CFAP43: variants seen among roughly 807,000 people sequenced by gnomAD.
The protein encoded by CFAP43 is cilia- and flagella-associated protein 43.
CFAP43 carries 155 observed loss-of-function variants against 218.9 expected under a neutral mutation model. The observed-to-expected ratio is 0.71, with a 90% CI of 0.62 to 0.81. The LOEUF (loss-of-function observed/expected upper bound fraction) is 0.81. Among genes scored for constraint, CFAP43 ranks in the 30% least tolerant of loss-of-function variants. The pLI, the probability that CFAP43 is intolerant of heterozygous loss-of-function variation, is 0.00. For synonymous variants in CFAP43, 645 were observed against 681.3 expected (o/e 0.95, Z 0.83); for missense variants, 1,778 against 1,954.3 (o/e 0.91, Z 1.70).
chr10:104,166,393 A>G (rs2089153830), intron 23 of CFAP43, 95 bp downstream of exon 23: 1 of 884,732 alleles, frequency 1.1e-6, no homozygotes, highest in Non-Finnish European at 1.7e-6. Flanking sequence ...TTTTTAAATC[A>G]TCATTTGATT....
In CFAP43 at chr10:104,182,303, G is replaced by C. The variant is rs937869212; in HGVS notation, c.2289+63C>G. 4 of 1,456,694 alleles carry C rather than the reference G, an allele frequency of 2.7e-6. No homozygotes were observed. The African/African-American group carries it at 4.4e-5, about 16-fold the overall frequency. The allele number at this position is 1,456,694 out of a possible 1,614,324, so 90.2% of individuals were successfully genotyped here. A position where few individuals can be genotyped will look rare whatever the true frequency, so the allele number is the denominator to read the frequency against. On this transcript the variant is annotated intron_variant, in intron 17 of 37. Transcript: ENST00000357060. ...ATCTGCTTAAAGAAAACCACAAACC[G>C]AAAACTTCTGATTTACAAAGAAAGA... is the stretch of plus-strand genomic sequence containing the variant.
intron 35 of CFAP43, among the ~76,000 whole-genome samples, chr10:104,132,406 G>A (rs1422987940): frequency 6.6e-6 from 1 of 152,102 alleles, no homozygotes; most frequent in African/African-American, 2.4e-5. Flanking sequence ...GAGGTCAGGA[G>A]TTCAAGACCA....
chr10:104,161,758 A>G (rs573666651), intron 26 of CFAP43, among the ~76,000 whole-genome samples: 1 of 152,158 alleles, frequency 6.6e-6, no homozygotes, highest in East Asian at 1.9e-4. Context: ...CTCCTCACTT[A>G]GCCTCCTCAA....
chr10:104,143,114 C>G (rs1250638422), intron 32 of CFAP43, among the ~76,000 whole-genome samples: 3 of 152,088 alleles, frequency 2.0e-5, no homozygotes, highest in African/African-American at 7.2e-5. Context: ...TCATACTAAG[C>G]CTTCTAATGT....
At chr10:104,204,899 C>T (rs2090634056) in intron 7 of CFAP43, among the ~76,000 whole-genome samples, 1 of 151,922 alleles carries the variant, frequency 6.6e-6, no homozygotes, top group Non-Finnish European at 1.5e-5. Context: ...GCATTGTTTA[C>T]ATTGATTACA....
chr10:104,228,714 AC>A (rs1265285018), intron 2 of CFAP43, among the ~76,000 whole-genome samples: 4 of 152,108 alleles, frequency 2.6e-5, no homozygotes, highest in Non-Finnish European at 5.9e-5. Flanking sequence ...GGTCACTCAC[AC>A]TTTTTTTTGA....
chr10:104,167,166 A>G (rs372777692), intron 22 of CFAP43, among the ~76,000 whole-genome samples: 22 of 152,326 alleles, frequency 1.4e-4, no homozygotes, highest in African/African-American at 4.8e-4. Flanking sequence ...ACAAAACTAC[A>G]CTGAAGGGCA....
intron 5 of CFAP43, among the ~76,000 whole-genome samples, chr10:104,208,897 A>G (rs567513637): frequency 1.3e-5 from 2 of 152,278 alleles, no homozygotes; most frequent in African/African-American, 4.8e-5. Context: ...GATTTCCCCC[A>G]TGCTACGACT....
chr10:104,218,744 T>A (rs1027878472), intron 3 of CFAP43: 8 of 532,372 alleles, frequency 1.5e-5, no homozygotes, highest in Non-Finnish European at 3.1e-5. Context: ...CTTCCCCTCA[T>A]CCTTTTCCCT....
At chr10:104,204,971 T>C (rs1347964586) in intron 7 of CFAP43, among the ~76,000 whole-genome samples, 1 of 152,004 alleles carries the variant, frequency 6.6e-6, no homozygotes, top group Admixed American at 6.6e-5. Flanking sequence ...TCCCAGCATT[T>C]TGGGAGGCCC....
intron 34 of CFAP43, 113 bp from the exon 35 acceptor site, chr10:104,133,897 T>A: frequency 9.7e-7 from 1 of 1,027,030 alleles, no homozygotes; most frequent in Non-Finnish European, 1.4e-6. Flanking sequence ...GATAATTCTG[T>A]CTTCTTTTTA....
intron 16 of CFAP43, 149 bp downstream of exon 16, chr10:104,184,867 G>A (rs1476954185): frequency 1.9e-5 from 24 of 1,280,102 alleles, no homozygotes; most frequent in Middle Eastern, 2.8e-4. Context: ...TGCAGTGTAC[G>A]CTTCTCTTGG....
rs1005644403 is a variant in CFAP43, at chr10:104,133,426, C to T, written c.4596+194G>A. 6 of 510,140 alleles carry T rather than the reference C, an allele frequency of 1.2e-5. No homozygotes were observed. In the African/African-American group the frequency reaches 1.2e-4, roughly 10 times the overall value. 31.6% of individuals were successfully genotyped at this position (510,140 alleles called of 1,614,324 possible). A position where few individuals can be genotyped will look rare whatever the true frequency, so the allele number is the denominator to read the frequency against. Reference sequence around the variant, plus strand: ...CTTAGCTCTGAGTAGAATGATTCTACTAAATGGGTCATGAAGAACTGGAGG... The same window carrying T: ...CTTAGCTCTGAGTAGAATGATTCTATTAAATGGGTCATGAAGAACTGGAGG... On this transcript the variant is annotated intron_variant, in intron 35 of 37. Coordinates refer to ENST00000357060, the MANE Select transcript of CFAP43 (RefSeq NM_025145.7).
chr10:104,172,322 C>T (rs1307148368), intron 20 of CFAP43, 88 bp downstream of exon 20: 7 of 1,495,990 alleles, frequency 4.7e-6, no homozygotes, highest in Non-Finnish European at 4.5e-6. Context: ...TTGTCATATT[C>T]ACATTATTAT....
Position 104,212,426 on chromosome 10 carries a change from T to C in CFAP43, c.585-269A>G, listed in dbSNP as rs964434335. On this transcript the variant is annotated intron_variant, in intron 4 of 37. Coordinates refer to ENST00000357060, the MANE Select transcript of CFAP43 (RefSeq NM_025145.7). ...TGTAAATTTGAATACTGGATGAGGG[T>C]CGGGCAGGTGATATGTGACTGGTGA... Among the ~76,000 whole-genome samples the C allele has an allele frequency of 3.3e-5, 5 of 152,074 alleles. No individual in the cohort carries two copies. In the South Asian group the frequency reaches 8.3e-4, roughly 25 times the overall value.
intron 19 of CFAP43, among the ~76,000 whole-genome samples, chr10:104,176,762 G>A (rs183566478): frequency 9.2e-5 from 14 of 152,314 alleles, no homozygotes; most frequent in African/African-American, 3.1e-4. Flanking sequence ...CTGAATGACT[G>A]CATGGAACAG....
rs2090426348 is a variant in CFAP43 at position 104,198,009 on chromosome 10, C to T, written c.1125G>A (p.Lys375=). 6.2e-7 allele frequency: 1 copy of T among 1,613,026 alleles called. No individual in the cohort carries two copies. The highest frequency in any genetic ancestry group is 1.3e-5 in the African/African-American group (1 of 74,884). The change falls in exon 9 of 38, where the codon AAG becomes AAA. Residue 375 remains lysine, a synonymous_variant. Transcript: ENST00000357060. ...CTAGGACTTTATTTAAGGTTGGCTCCTTACCAAAAGTGTAGATATAAACAG... is the reference window on the plus strand; with the variant it reads ...CTAGGACTTTATTTAAGGTTGGCTCTTTACCAAAAGTGTAGATATAAACAG... The part of the protein sequence containing the change: ...KGSVYIYTFG[K]EPTLNKVLDA...
Position 104,161,090 on chromosome 10 carries a change from C to A in CFAP43, c.3487G>T (p.Asp1163Tyr). 1 of 1,613,252 alleles carries A rather than the reference C, an allele frequency of 6.2e-7. No individual in the cohort carries two copies. Among genetic ancestry groups the A allele is most frequent in the South Asian group, 1.1e-5 (1 of 91,026 alleles). The change falls in exon 27 of 38, where the codon GAT becomes TAT. Residue 1163 changes from aspartate to tyrosine, a missense_variant. Coordinates refer to ENST00000357060, the MANE Select transcript of CFAP43 (RefSeq NM_025145.7). ...WTEEERKQFK[D>Y]YEKKVKELNE... ...AACTCCTTTACTTTTTTCTCATAAT[C>A]TTTGAATTGTTTTCTTTCTTCTTCA...
chr10:104,187,371 A>T lies in CFAP43; in HGVS notation c.1809T>A (p.Tyr603Ter). 1 of 1,612,058 alleles carries T rather than the reference A, an allele frequency of 6.2e-7. No individual in the cohort carries two copies. The highest frequency in any genetic ancestry group is 8.5e-7 in the Non-Finnish European group (1 of 1,179,450). ...TGTATGGCACTTGACTACAGAAGCC[A>T]TATATTTGGTTACTTTGAAAGCCCA... ...AVLGFQSNQI[Y>*]GFCSQVPYIC... Residue 603 changes from tyrosine to a stop codon, truncating the protein, a stop_gained, in exon 14 of 38, where the codon TAT (tyrosine) becomes TAA (stop). Coordinates refer to ENST00000357060, the MANE Select transcript of CFAP43 (RefSeq NM_025145.7). LOFTEE classifies it high-confidence loss of function.
Sources: gnomAD v4.1 joint callset for allele counts (sites outside exome capture counted in the v4.1 genomes callset) on GRCh38, gnomAD v4.1.1 for gene constraint, MANE v1.5 for transcripts, NCBI Gene and HGNC (gene_info 2026-07-23, HGNC 2026-07-21) for gene names.